DLGAP1: variants seen among roughly 807,000 people sequenced by gnomAD.
DLGAP1 encodes the protein disks large-associated protein 1.
Under a neutral mutation model 90.8 loss-of-function variants are expected in DLGAP1, and 11 were observed. The observed-to-expected ratio is 0.12, with a 90% CI of 0.08 to 0.20. The LOEUF (loss-of-function observed/expected upper bound fraction) is 0.20. Ranked by LOEUF, DLGAP1 falls within the 10% of genes least tolerant of loss-of-function variation. The pLI is 1.00. For synonymous variants in DLGAP1, 558 were observed against 540.7 expected (o/e 1.03, Z -0.44); for missense variants, 1,050 against 1,333.8 (o/e 0.79, Z 3.31).
intron 1 of DLGAP1, among the ~76,000 whole-genome samples, chr18:4,239,668 C>A (rs956506543): frequency 6.6e-6 from 1 of 152,156 alleles, no homozygotes; most frequent in Non-Finnish European, 1.5e-5. Flanking sequence ...CATCTCAACA[C>A]CCGTTTCCTC....
chr18:3,896,353 G>C (rs1158425244), intron 3 of DLGAP1: 1 of 152,182 alleles, frequency 6.6e-6, no homozygotes, highest in Non-Finnish European at 1.5e-5. Flanking sequence ...GTCAATCAAT[G>C]CATCTCCACC....
intron 2 of DLGAP1, among the ~76,000 whole-genome samples, chr18:4,052,146 G>A (rs1460146406): frequency 6.6e-6 from 1 of 152,162 alleles, no homozygotes; most frequent in African/African-American, 2.4e-5. Context: ...CACCATTTGG[G>A]AGTCTGGAGG....
intron 1 of DLGAP1, among the ~76,000 whole-genome samples, chr18:4,276,353 AG>A (rs1239066718): frequency 6.6e-6 from 1 of 152,108 alleles, no homozygotes; most frequent in Non-Finnish European, 1.5e-5. Context: ...AAGTTAAACA[AG>A]GCTGGGCACG....
chr18:3,892,979 A>G (rs369552073), intron 3 of DLGAP1, among the ~76,000 whole-genome samples: 63 of 150,750 alleles, frequency 4.2e-4, no homozygotes, highest in African/African-American at 1.5e-3. Context: ...GTGTAGAAGT[A>G]AAGGCTGGGC....
intron 2 of DLGAP1, among the ~76,000 whole-genome samples, chr18:4,078,337 C>G (rs55795441): frequency 0.1 from 15,821 of 152,142 alleles, 853 homozygotes; most frequent in Non-Finnish European, 0.12. Context: ...CATTTTCAAG[C>G]TTTTGGAAGT....
intron 3 of DLGAP1, among the ~76,000 whole-genome samples, chr18:3,970,612 CAAA>C (rs902360448): frequency 6.6e-6 from 1 of 150,800 alleles, no homozygotes; most frequent in Admixed American, 6.6e-5. Flanking sequence ...TAAAGAGAAA[CAAA>C]GAAGATAAAC....
chr18:4,314,961 A>G (rs2080490650), intron 1 of DLGAP1, among the ~76,000 whole-genome samples: 2 of 152,222 alleles, frequency 1.3e-5, no homozygotes, highest in Admixed American at 1.3e-4. Flanking sequence ...ACATTTATCT[A>G]AAGAATATCT....
At chr18:3,946,805 C>T (rs2072886669) in intron 3 of DLGAP1, among the ~76,000 whole-genome samples, 1 of 152,116 alleles carries the variant, frequency 6.6e-6, no homozygotes, top group Non-Finnish European at 1.5e-5. Flanking sequence ...TGATCTGAGT[C>T]ACTGCTAAAA....
At chr18:3,601,043 G>GATATAGATAGATATATAGATATATAGAT (rs1338359767) in intron 7 of DLGAP1, among the ~76,000 whole-genome samples, 34 of 145,714 alleles carry the variant, frequency 2.3e-4, no homozygotes, top group East Asian at 1.4e-3. Flanking sequence ...TAGAGATAAA[G>GATATAGATAGATATATAGATATATAGAT]ATATAGATAG....
intron 1 of DLGAP1, among the ~76,000 whole-genome samples, chr18:4,361,218 A>G (rs916580252): frequency 9.2e-5 from 14 of 152,294 alleles, no homozygotes; most frequent in African/African-American, 1.4e-4. Flanking sequence ...ATGTGCAAAT[A>G]ATTTTACTTC....
chr18:3,786,376 C>A (rs1317034827), intron 5 of DLGAP1, among the ~76,000 whole-genome samples: 1 of 151,998 alleles, frequency 6.6e-6, no homozygotes, highest in African/African-American at 2.4e-5. Flanking sequence ...TACTAGGAAA[C>A]CAAAAATAGT....
At chr18:3,725,381 T>C (rs2062131453) in intron 7 of DLGAP1, among the ~76,000 whole-genome samples, 1 of 152,134 alleles carries the variant, frequency 6.6e-6, no homozygotes, top group South Asian at 2.1e-4. Flanking sequence ...ATTGCATTGG[T>C]ATATTCCTTC....
chr18:4,090,017 C>T (rs2075750826), intron 2 of DLGAP1, among the ~76,000 whole-genome samples: 1 of 151,996 alleles, frequency 6.6e-6, no homozygotes, highest in African/African-American at 2.4e-5. Context: ...TGCACTCCAG[C>T]CTGGGTGATA....
intron 2 of DLGAP1, among the ~76,000 whole-genome samples, chr18:4,062,446 C>T (rs952940661): frequency 1.3e-5 from 2 of 152,018 alleles, no homozygotes; most frequent in African/African-American, 4.8e-5. Flanking sequence ...TCTGACAGGC[C>T]CAGGAGCTCC....
rs746873399 is a variant in DLGAP1, at chr18:3,879,469, G to A, written c.600C>T (p.Gly200=). Residue 200 remains glycine (G), a synonymous_variant, in exon 4 of 13, where the codon GGC becomes GGT. Coordinates refer to ENST00000315677, the MANE Select transcript of DLGAP1 (RefSeq NM_004746.4). This position sits in a 1 kb window ranked among gnomAD's most constrained non-coding sequence, Gnocchi z 6.6. ...CCAGGTTGTCGTCCGAGCTCCACCA[G>A]CCCGGGGAGGTGCTGGGCCGGGCCT... ...EPKARPSTSP[G]WWSSDDNLDG... is the part of the protein sequence containing the mutation. The A allele has an allele frequency of 2.5e-6, 4 of 1,605,906 alleles. No individual in the cohort carries two copies. Among genetic ancestry groups the A allele is most frequent in the South Asian group, 2.2e-5 (2 of 91,082 alleles).
chr18:3,524,029 G>T (rs539745541), intron 10 of DLGAP1, among the ~76,000 whole-genome samples: 4 of 152,254 alleles, frequency 2.6e-5, no homozygotes, highest in South Asian at 2.1e-4. Flanking sequence ...AGCATTTTTG[G>T]AGGCCAAGGC....
chr18:3,578,040 T>A (rs1212813506), intron 8 of DLGAP1, among the ~76,000 whole-genome samples: 1 of 152,182 alleles, frequency 6.6e-6, no homozygotes, highest in Non-Finnish European at 1.5e-5. Flanking sequence ...TTACATATAT[T>A]TTATCAATTA....
intron 9 of DLGAP1, among the ~76,000 whole-genome samples, chr18:3,561,928 G>A (rs1005021765): frequency 2.7e-5 from 4 of 150,676 alleles, no homozygotes; most frequent in Non-Finnish European, 5.9e-5. Context: ...TCACATGGTG[G>A]CAGACAGGAG....
chr18:3,928,428 A>T (rs537121593), intron 3 of DLGAP1, among the ~76,000 whole-genome samples: 2 of 152,314 alleles, frequency 1.3e-5, no homozygotes, highest in East Asian at 3.9e-4. Context: ...AAGAAAGGGG[A>T]TTGGAATTAA....
Sources: allele counts gnomAD v4.1 joint callset (sites outside exome capture counted in the v4.1 genomes callset), GRCh38; gene constraint gnomAD v4.1.1; non-coding constraint Gnocchi (gnomAD v3.1); transcripts MANE v1.5; gene names NCBI Gene and HGNC (gene_info 2026-07-23, HGNC 2026-07-21).